The following SOBP variants were observed in gnomAD, a reference collection of about 807,000 sequenced individuals.
SOBP encodes the protein sine oculis binding protein homolog, also known as sine oculis-binding protein homolog.
Under a neutral mutation model 53.6 loss-of-function variants are expected in SOBP, and 4 were observed. That is an observed-to-expected ratio of 0.07 (90% CI 0.04 to 0.17). The LOEUF is 0.17. SOBP is among the 10% of genes least tolerant of loss of function. The pLI, the probability that SOBP is intolerant of heterozygous loss-of-function variation, is 1.00. For missense variants in SOBP, 1,088 were observed against 1,204.7 expected, an observed-to-expected ratio of 0.90 and a Z score of 1.43; for synonymous variants, 584 against 522.6, an observed-to-expected ratio of 1.12 and a Z score of -1.60.
chr6:107,623,371 G>A (rs1770302855), intron 5 of SOBP, among the ~76,000 whole-genome samples: 1 of 152,190 alleles, frequency 6.6e-6, no homozygotes, highest in African/African-American at 2.4e-5. Context: ...TCCGTATTTA[G>A]AGCAAGTCAT....
chr6:107,564,135 C>T (rs767825905), intron 4 of SOBP, among the ~76,000 whole-genome samples: 111 of 152,118 alleles, frequency 7.3e-4, no homozygotes, highest in Non-Finnish European at 1.3e-3. Context: ...CAAATGTGCG[C>T]GCGTTTCCCT....
chr6:107,549,792 T>G (rs894227882), intron 4 of SOBP, among the ~76,000 whole-genome samples: 2 of 152,216 alleles, frequency 1.3e-5, no homozygotes, highest in Non-Finnish European at 2.9e-5. Flanking sequence ...GACCTCAATT[T>G]CTTTCTCCCT....
At position 107,490,469 on chromosome 6, in the gene SOBP, C is replaced by A. The variant is rs922369139; in HGVS notation, c.-148C>A. On this transcript the variant is annotated 5_prime_UTR_variant, in exon 1 of 7. Transcript: ENST00000317357. ...CCCGCTTCTCGGCGCCTGCCCTCCC[C>A]CTCGCGGCTCGGTCCGGCCCCGCCA... is the stretch of plus-strand genomic sequence containing the variant. The A allele has an allele frequency of 1.6e-6, 1 of 610,822 alleles. No individual in the cohort carries two copies. 37.8% of individuals were successfully genotyped at this position (610,822 alleles called of 1,614,324 possible).
chr6:107,548,744 C>G (rs374373220), intron 4 of SOBP, among the ~76,000 whole-genome samples: 35 of 151,464 alleles, frequency 2.3e-4, no homozygotes, highest in East Asian at 9.8e-4. Flanking sequence ...CGTGACCAGC[C>G]TGGACAACAT....
intron 4 of SOBP, among the ~76,000 whole-genome samples, chr6:107,555,661 A>C (rs1345980784): frequency 6.6e-6 from 1 of 152,222 alleles, no homozygotes; most frequent in Non-Finnish European, 1.5e-5. Context: ...GCCCATCAGC[A>C]CTTAGGAAGC....
intron 3 of SOBP, among the ~76,000 whole-genome samples, chr6:107,531,477 C>T (rs1783822812): frequency 6.6e-6 from 1 of 151,972 alleles, no homozygotes; most frequent in Non-Finnish European, 1.5e-5. Flanking sequence ...TATGCTATTT[C>T]TAATCTAAGA....
intron 4 of SOBP, among the ~76,000 whole-genome samples, chr6:107,577,318 C>G (rs904578777): frequency 6.6e-6 from 1 of 152,254 alleles, no homozygotes. Context: ...ACTTCTGTCT[C>G]TATTATTCCT....
At chr6:107,642,325 C>T (rs1771364402) in intron 6 of SOBP, among the ~76,000 whole-genome samples, 1 of 152,050 alleles carries the variant, frequency 6.6e-6, no homozygotes, top group South Asian at 2.1e-4. Flanking sequence ...ATGCACAAAA[C>T]TTATTTCAAG....
intron 1 of SOBP, 126 bp from the exon 2 acceptor site, chr6:107,503,531 C>A: frequency 9.9e-6 from 10 of 1,010,032 alleles, no homozygotes; most frequent in Non-Finnish European, 1.5e-5. Flanking sequence ...AAAATGAACA[C>A]CACACTAGGG....
chr6:107,644,825 G>A (rs1771487408), intron 6 of SOBP, among the ~76,000 whole-genome samples: 1 of 152,178 alleles, frequency 6.6e-6, no homozygotes, highest in Admixed American at 6.5e-5. Context: ...GGCAAAATAA[G>A]TTTTGGTTTT....
At chr6:107,515,215 G>A (rs929822775) in intron 3 of SOBP, 2 of 152,216 alleles carry the variant, frequency 1.3e-5, no homozygotes, top group East Asian at 3.9e-4. Context: ...TAAAATAATT[G>A]AATCTTTTCT....
At position 107,565,560 on chromosome 6, in the gene SOBP, C is replaced by T. The variant is rs568529521; in HGVS notation, c.574-21520C>T. Among the ~76,000 whole-genome samples the T allele has an allele frequency of 5.3e-5, 8 of 152,220 alleles. No individual in the cohort carries two copies. The East Asian group carries it at 1.5e-3, about 29-fold the overall frequency. On this transcript the variant is annotated intron_variant, in intron 4 of 6. Coordinates refer to ENST00000317357, the MANE Select transcript of SOBP (RefSeq NM_018013.4). ...GAGAGACGTAAAGCTGACCCACTTC[C>T]CATATGGTCATCTGAGTAGGAAGTG... is the stretch of plus-strand genomic sequence containing the variant.
At chr6:107,499,950 C>T (rs1312170457) in intron 1 of SOBP, among the ~76,000 whole-genome samples, 2 of 151,956 alleles carry the variant, frequency 1.3e-5, no homozygotes, top group African/African-American at 4.8e-5. Flanking sequence ...ATATATGAAA[C>T]AGGAAATGAA....
At chr6:107,543,955 T>G (rs770216809) in intron 4 of SOBP, among the ~76,000 whole-genome samples, 4 of 152,178 alleles carry the variant, frequency 2.6e-5, no homozygotes, top group Non-Finnish European at 2.9e-5. Flanking sequence ...ACAAAGGGAT[T>G]GTGGTTAGCT....
At chr6:107,546,968 G>T (rs1455499149) in intron 4 of SOBP, among the ~76,000 whole-genome samples, 1 of 152,104 alleles carries the variant, frequency 6.6e-6, no homozygotes, top group East Asian at 1.9e-4. Flanking sequence ...ATTCCTCAGG[G>T]TAGAGAAATT....
chr6:107,606,051 G>T (rs957787458), intron 5 of SOBP, among the ~76,000 whole-genome samples: 3 of 141,900 alleles, frequency 2.1e-5, no homozygotes, highest in Non-Finnish European at 3.0e-5. Flanking sequence ...GAAACATATT[G>T]TGTAGATCAG....
intron 6 of SOBP, among the ~76,000 whole-genome samples, chr6:107,640,327 T>C (rs1771252062): frequency 6.6e-6 from 1 of 152,172 alleles, no homozygotes; most frequent in Admixed American, 6.5e-5. Flanking sequence ...TCAGTATGAA[T>C]GGGATGTGCT....
chr6:107,545,739 CTGCAGTT>C (rs932600224), intron 4 of SOBP, among the ~76,000 whole-genome samples: 6 of 151,868 alleles, frequency 4.0e-5, no homozygotes, highest in African/African-American at 1.5e-4. Flanking sequence ...GAACCAGGGA[CTGCAGTT>C]CAGCTGGAGT....
intron 3 of SOBP, among the ~76,000 whole-genome samples, chr6:107,520,279 A>G (rs1433254669): frequency 6.6e-6 from 1 of 152,212 alleles, no homozygotes; most frequent in African/African-American, 2.4e-5. Context: ...CTTTAAATGG[A>G]TTGTGTTATT....
Sources: allele counts gnomAD v4.1 joint callset (sites outside exome capture counted in the v4.1 genomes callset), GRCh38; gene constraint gnomAD v4.1.1; transcripts MANE v1.5; gene names NCBI Gene and HGNC (gene_info 2026-07-23, HGNC 2026-07-21).